The following SPTLC2 variants were observed in gnomAD, a reference collection of about 807,000 sequenced individuals.
SPTLC2 encodes serine palmitoyltransferase long chain base subunit 2, also known as serine palmitoyltransferase 2.
Under a neutral mutation model 62.0 loss-of-function variants are expected in SPTLC2, and 21 were observed. That is an observed-to-expected ratio of 0.34 (90% confidence interval 0.24 to 0.49). SPTLC2 has a LOEUF of 0.49. SPTLC2 is among the 20% of genes least tolerant of loss of function. The pLI, the probability that SPTLC2 is intolerant of heterozygous loss-of-function variation, is 0.99. For synonymous variants in SPTLC2, 261 were observed against 261.8 expected, an observed-to-expected ratio of 1.00 and a Z score of 0.03; for missense variants, 511 against 713.0, an observed-to-expected ratio of 0.72 and a Z score of 3.23.
At chr14:77,571,448 G>A (rs2140034971) in intron 4 of SPTLC2, among the ~76,000 whole-genome samples, 1 of 150,234 alleles carries the variant, frequency 6.7e-6, no homozygotes, top group South Asian at 2.1e-4. Flanking sequence ...GGCAGAGGTT[G>A]CAGTGAGCTG....
chr14:77,604,658 A>G (rs12432164), intron 1 of SPTLC2, among the ~76,000 whole-genome samples: 87,901 of 151,606 alleles, frequency 0.58, 25,788 homozygotes, highest in East Asian at 0.69. Flanking sequence ...ACCTGAGGTC[A>G]GGAGTTTGAG....
rs552461554 is a variant in SPTLC2 at position 77,510,010 on chromosome 14, T to A, written c.*2274A>T. ...GTTTGTGACTTTTACAAACCCTACG[T>A]TTACATTAGTAAATAGTAACTGCAG... is the stretch of plus-strand genomic sequence containing the variant. On this transcript the variant is annotated 3_prime_UTR_variant, in exon 12 of 12. Transcript: ENST00000216484. The A allele has an allele frequency of 7.3e-5, 29 of 398,244 alleles. No individual in the cohort carries two copies. Among genetic ancestry groups the A allele is most frequent in the African/African-American group, 5.5e-4 (27 of 48,754 alleles). 24.7% of individuals were successfully genotyped at this position (398,244 alleles called of 1,614,324 possible).
At chr14:77,551,028 T>G (rs990497906) in intron 9 of SPTLC2, among the ~76,000 whole-genome samples, 6 of 151,916 alleles carry the variant, frequency 3.9e-5, no homozygotes, top group African/African-American at 1.5e-4. Context: ...TACATAACTG[T>G]AGAGTGGAGA....
chr14:77,571,081 G>A (rs554437721), intron 4 of SPTLC2, among the ~76,000 whole-genome samples: 93 of 152,264 alleles, frequency 6.1e-4, no homozygotes, highest in African/African-American at 1.8e-3. Flanking sequence ...AGTCATAATT[G>A]CCTATCCAAT....
intron 9 of SPTLC2, among the ~76,000 whole-genome samples, chr14:77,550,836 G>A (rs61077505): frequency 0.022 from 3,384 of 151,514 alleles, 106 homozygotes; most frequent in African/African-American, 0.078. Context: ...CCTGGGAAGC[G>A]GAGGTTGCTG....
chr14:77,538,033 ACT>A (rs2079479965), intron 9 of SPTLC2, among the ~76,000 whole-genome samples: 1 of 151,824 alleles, frequency 6.6e-6, no homozygotes, highest in Non-Finnish European at 1.5e-5. Flanking sequence ...TCCTGTGCAC[ACT>A]CTTATTAATT....
chr14:77,580,194 C>T (rs2079740423), intron 2 of SPTLC2, among the ~76,000 whole-genome samples: 1 of 143,744 alleles, frequency 7.0e-6, no homozygotes, highest in African/African-American at 2.5e-5. Flanking sequence ...ATATAGGGGC[C>T]GGGTGTGGTA....
At chr14:77,518,834 G>C (rs1294785906) in intron 10 of SPTLC2, among the ~76,000 whole-genome samples, 1 of 152,104 alleles carries the variant, frequency 6.6e-6, no homozygotes, top group East Asian at 1.9e-4. Flanking sequence ...ATTGTCTTGG[G>C]AACAACACTG....
In SPTLC2 at chr14:77,565,385, G is replaced by A. The variant is rs1022200117; in HGVS notation, c.757-2896C>T. ...CCAAAGTATCTCTGCCACAATATAT[G>A]GTGATTACAAAGAGAAAAGCAGTAA... On this transcript the variant is annotated intron_variant, in intron 5 of 11. Transcript: ENST00000216484. Among the ~76,000 whole-genome samples the A allele has an allele frequency of 8.5e-5, 13 of 152,058 alleles. No individual in the cohort carries two copies. In the East Asian group the frequency reaches 2.1e-3, roughly 25 times the overall value.
chr14:77,572,720 T>G (rs2079690624), intron 4 of SPTLC2, among the ~76,000 whole-genome samples: 1 of 152,244 alleles, frequency 6.6e-6, no homozygotes, highest in African/African-American at 2.4e-5. Flanking sequence ...TCTGGATAAC[T>G]TGCTGAAGTT....
chr14:77,538,563 T>C (rs1372598753), intron 9 of SPTLC2, among the ~76,000 whole-genome samples: 3 of 152,126 alleles, frequency 2.0e-5, no homozygotes, highest in African/African-American at 7.2e-5. Flanking sequence ...GTAGTTTTAA[T>C]TTGGTTCTAT....
intron 9 of SPTLC2, among the ~76,000 whole-genome samples, chr14:77,528,608 T>A (rs754920311): frequency 6.6e-6 from 1 of 152,118 alleles, no homozygotes; most frequent in African/African-American, 2.4e-5. Context: ...CTCAAATAGA[T>A]AGCTCCAAGA....
At chr14:77,579,184 T>A in intron 2 of SPTLC2, 75 bp from the exon 3 acceptor site, 1 of 1,492,626 alleles carries the variant, frequency 6.7e-7, no homozygotes. Context: ...GATGACATGA[T>A]CTTTTATTTA....
At position 77,578,858 on chromosome 14, in the gene SPTLC2, C is replaced by T. The variant is rs1216056417; in HGVS notation, c.482+97G>A. ...CATATTGTATCCTCAGCTGCTACTC[C>T]TATTTTGAGAGAATACTCAATTTAT... On this transcript the variant is annotated intron_variant, in intron 3 of 11. Coordinates refer to ENST00000216484, the MANE Select transcript of SPTLC2 (RefSeq NM_004863.4). 5.1e-6 allele frequency: 7 copies of T among 1,363,412 alleles called. No homozygotes were observed. The African/African-American group carries it at 7.2e-5, about 14-fold the overall frequency. The allele number at this position is 1,363,412 out of a possible 1,614,324, so 84.5% of individuals were successfully genotyped here.
rs2079335396 is a variant in SPTLC2 at position 77,512,167 on chromosome 14, T to G, written c.*117A>C. On this transcript the variant is annotated 3_prime_UTR_variant, in exon 12 of 12. Coordinates refer to ENST00000216484, the MANE Select transcript of SPTLC2 (RefSeq NM_004863.4). ...AGTGGAGGTGGCCACCTTCAGTAGC[T>G]GAGGCAATGTCTTTCACGTGAGATG... is the stretch of plus-strand genomic sequence containing the variant. 1.0e-5 allele frequency: 15 copies of G among 1,456,438 alleles called. No homozygotes were observed. Among genetic ancestry groups the G allele is most frequent in the Middle Eastern group, 4.9e-4 (2 of 4,106 alleles). The allele number at this position is 1,456,438 out of a possible 1,614,324, so 90.2% of individuals were successfully genotyped here. A position where few individuals can be genotyped will look rare whatever the true frequency, so the allele number is the denominator to read the frequency against.
At chr14:77,591,273 G>A (rs915181677) in intron 2 of SPTLC2, among the ~76,000 whole-genome samples, 3 of 152,154 alleles carry the variant, frequency 2.0e-5, no homozygotes, top group Admixed American at 1.3e-4. Flanking sequence ...GAAAAGTCCC[G>A]AATAGTAAAT....
chr14:77,578,159 G>A (rs759132512), intron 3 of SPTLC2, among the ~76,000 whole-genome samples: 3 of 151,838 alleles, frequency 2.0e-5, no homozygotes, highest in Non-Finnish European at 4.4e-5. Flanking sequence ...AAATGAATAA[G>A]TAAACAAACA....
At chr14:77,569,765 T>G (rs988134276) in intron 5 of SPTLC2, among the ~76,000 whole-genome samples, 1 of 92,986 alleles carries the variant, frequency 1.1e-5, no homozygotes, top group African/African-American at 3.3e-5. Flanking sequence ...GATATATATA[T>G]TATATATATA....
intron 9 of SPTLC2, chr14:77,547,703 G>C: frequency 6.6e-6 from 1 of 152,142 alleles, no homozygotes; most frequent in Non-Finnish European, 1.5e-5. Flanking sequence ...TAGGCAACCT[G>C]GTGGTCCCCT....
Sources: gnomAD v4.1 joint callset for allele counts (sites outside exome capture counted in the v4.1 genomes callset) on GRCh38, gnomAD v4.1.1 for gene constraint, MANE v1.5 for transcripts, NCBI Gene and HGNC (gene_info 2026-07-23, HGNC 2026-07-21) for gene names.